GCDH: variants seen among roughly 807,000 people sequenced by gnomAD.
GCDH encodes the protein glutaryl-CoA dehydrogenase.
A neutral mutation model predicts 52.8 loss-of-function variants in GCDH; 31 were observed. The ratio of observed to expected loss-of-function variants is 0.59; its 90% CI spans 0.44 to 0.79. GCDH has a LOEUF of 0.79. Ranked by LOEUF, GCDH falls within the 30% of genes least tolerant of loss-of-function variation. The probability of loss-of-function intolerance (pLI) is 0.00; values close to 1 mark genes in which losing one functional copy is unlikely to be tolerated. For missense variants in GCDH, 509 were observed against 595.0 expected (o/e 0.86, Z 1.50); for synonymous variants, 242 against 250.0 (o/e 0.97, Z 0.30).
At chr19:12,892,851 G>C (rs546195971) in intron 5 of GCDH, among the ~76,000 whole-genome samples, 5 of 151,356 alleles carry the variant, frequency 3.3e-5, no homozygotes, top group Non-Finnish European at 7.4e-5. Flanking sequence ...CTGATTACAG[G>C]TGTGAGCCAC....
In GCDH at chr19:12,893,994, A is replaced by C. The variant is rs966975883; in HGVS notation, c.505+341A>C. On this transcript the variant is annotated intron_variant, in intron 6 of 11. Transcript: ENST00000222214. ...AGTGAGAAGATCCCTTGAGCCCAAG[A>C]GTTCGAAACCAGCCTGGGCAACGTA... is the stretch of plus-strand genomic sequence containing the variant. 3 of 582,502 alleles carry C rather than the reference A, an allele frequency of 5.2e-6. No homozygotes were observed. The African/African-American group carries it at 5.6e-5, about 11-fold the overall frequency. The allele number at this position is 582,502 out of a possible 1,614,324, so 36.1% of individuals were successfully genotyped here.
chr19:12,897,061 G>A (rs1415808539), intron 9 of GCDH, 48 bp downstream of exon 9: 1 of 1,471,434 alleles, frequency 6.8e-7, no homozygotes, highest in East Asian at 2.3e-5. Context: ...GGGCAGCTTG[G>A]GTTTCACTCT....
intron 5 of GCDH, among the ~76,000 whole-genome samples, chr19:12,893,083 C>T (rs776255968): frequency 1.4e-4 from 21 of 151,912 alleles, no homozygotes; most frequent in Non-Finnish European, 2.6e-4. Context: ...AATGGGATTT[C>T]ACCATGTTGG....
intron 5 of GCDH, among the ~76,000 whole-genome samples, chr19:12,893,043 GC>G (rs1365097259): frequency 6.6e-6 from 1 of 151,102 alleles, no homozygotes; most frequent in Non-Finnish European, 1.5e-5. Flanking sequence ...GCACCACCAC[GC>G]CCAGCTAATT....
Position 12,899,997 on chromosome 19 carries a change from T to G in GCDH, c.*456T>G. The G allele has an allele frequency of 6.2e-7, 1 of 1,613,090 alleles. No homozygotes were observed. Among genetic ancestry groups the G allele is most frequent in the South Asian group, 1.1e-5 (1 of 91,036 alleles). ...CCAAGGTGTCAGGCCGGTTTACTGG[T>G]AACCACCTGAGAAGTAGTTTCAGCC... On this transcript the variant is annotated 3_prime_UTR_variant, in exon 12 of 12. Coordinates refer to ENST00000222214, the MANE Select transcript of GCDH (RefSeq NM_000159.4).
chr19:12,891,531 C>G lies in GCDH; in HGVS notation c.127+9C>G. ...GAGCCAACTGGCTAAGTGTAAGGAC[C>G]TCTGGTCGCACCGTGTGTCTGCTGC... On this transcript the variant is annotated intron_variant, in intron 3 of 11. Coordinates refer to ENST00000222214, the MANE Select transcript of GCDH (RefSeq NM_000159.4). 1.2e-6 allele frequency: 2 copies of G among 1,614,212 alleles called. No homozygotes were observed. The highest frequency in any genetic ancestry group is 1.7e-6 in the Non-Finnish European group (2 of 1,180,022).
At chr19:12,894,399 T>C in intron 6 of GCDH, 4 of 754,838 alleles carry the variant, frequency 5.3e-6, no homozygotes, top group Non-Finnish European at 9.9e-6. Context: ...CAAGGAGAAC[T>C]GGAGAAAGAA....
chr19:12,899,855 AC>A lies in GCDH; in HGVS notation c.*319del. 4.4e-6 allele frequency: 7 copies of A among 1,577,264 alleles called. No homozygotes were observed. Among genetic ancestry groups the A allele is most frequent in the Non-Finnish European group, 6.1e-6 (7 of 1,149,560 alleles). ...GAAGCAACTCCGTCTGCTGCAGCTG[AC>A]CCCCTCACACTGAGTTCACAGTGCG... is the stretch of plus-strand genomic sequence containing the variant. On this transcript the variant is annotated 3_prime_UTR_variant, in exon 12 of 12. Transcript: ENST00000222214.
chr19:12,898,212 G>A (rs772835367), intron 11 of GCDH: 12 of 373,688 alleles, frequency 3.2e-5, no homozygotes, highest in South Asian at 1.2e-4. Flanking sequence ...GGGAGTGAGC[G>A]AAGCTACACG....
intron 5 of GCDH, among the ~76,000 whole-genome samples, chr19:12,893,270 C>T (rs1400389894): frequency 6.6e-6 from 1 of 152,158 alleles, no homozygotes; most frequent in Non-Finnish European, 1.5e-5. Context: ...CTGAAAGCCC[C>T]CTTCTTTCCC....
rs564814736 is a variant in GCDH, at chr19:12,897,991, G to A, written c.1243+128G>A. On this transcript the variant is annotated intron_variant, in intron 11 of 11. Coordinates refer to ENST00000222214, the MANE Select transcript of GCDH (RefSeq NM_000159.4). ...TAAGTGACAGTGTGACCTGGGGCGA[G>A]CCTTACCCCTCTGTCCCTCATCTGG... is the stretch of plus-strand genomic sequence containing the variant. The A allele has an allele frequency of 7.5e-6, 6 of 794,780 alleles. No homozygotes were observed. In the Admixed American group the frequency reaches 8.1e-5, roughly 11 times the overall value. The allele number at this position is 794,780 out of a possible 1,614,324, so 49.2% of individuals were successfully genotyped here.
At position 12,892,174 on chromosome 19, in the gene GCDH, C is replaced by T. The variant is rs745618765; in HGVS notation, c.330C>T (p.Ile110=). ...AGTTGGGTGTGCTGGGCCCCACCATCAAAGGTAGGAACAAGTATCTCTCCA... is the reference window on the plus strand; with the variant it reads ...AGTTGGGTGTGCTGGGCCCCACCATTAAAGGTAGGAACAAGTATCTCTCCA... The part of the protein sequence containing the change: ...MGELGVLGPT[I]KGYGCAGVSS... The change falls in exon 5 of 12, where the codon ATC becomes ATT. Residue 110 remains isoleucine, a synonymous_variant. Transcript: ENST00000222214. The T allele has an allele frequency of 2.5e-6, 4 of 1,613,540 alleles. No individual in the cohort carries two copies. The highest frequency in any genetic ancestry group is 3.4e-6 in the Non-Finnish European group (4 of 1,179,456).
chr19:12,895,410 C>T (rs1479034480), intron 6 of GCDH, among the ~76,000 whole-genome samples: 1 of 152,002 alleles, frequency 6.6e-6, no homozygotes, highest in Admixed American at 6.6e-5. Context: ...CAGGTGCTTG[C>T]TACCCGTGCC....
chr19:12,892,019 G>A (rs762461898), intron 4 of GCDH, 45 bp downstream of exon 4: 1 of 1,614,124 alleles, frequency 6.2e-7, no homozygotes, highest in Non-Finnish European at 8.5e-7. Context: ...TCCGCCTGGA[G>A]CCATAGCCAC....
chr19:12,895,883 G>C (rs1970663066), intron 6 of GCDH, 109 bp from the exon 7 acceptor site: 2 of 1,393,298 alleles, frequency 1.4e-6, no homozygotes, highest in African/African-American at 1.4e-5. Context: ...GCCTCCTAAA[G>C]TGCTGGGATG....
At chr19:12,898,238 C>T (rs1568429836) in intron 11 of GCDH, 1 of 313,560 alleles carries the variant, frequency 3.2e-6, no homozygotes, top group Admixed American at 4.5e-5. Context: ...ATCAACGCTC[C>T]ATTTTGTTAA....
chr19:12,894,092 C>A, intron 6 of GCDH: 2 of 871,528 alleles, frequency 2.3e-6, no homozygotes, highest in Non-Finnish European at 1.8e-6. Context: ...TGGACGTTGG[C>A]CCTCTTCCGT....
chr19:12,894,552 G>A, intron 6 of GCDH: 1 of 660,976 alleles, frequency 1.5e-6, no homozygotes. Context: ...ACAGCTAGCA[G>A]AATCCGTAAA....
chr19:12,893,035 A>G (rs898444443), intron 5 of GCDH, among the ~76,000 whole-genome samples: 2 of 150,224 alleles, frequency 1.3e-5, no homozygotes, highest in Non-Finnish European at 3.0e-5. Flanking sequence ...ACAGGGGTGC[A>G]CCACCACGCC....
Sources: gnomAD v4.1 joint callset for allele counts (sites outside exome capture counted in the v4.1 genomes callset) on GRCh38, gnomAD v4.1.1 for gene constraint, MANE v1.5 for transcripts, NCBI Gene and HGNC (gene_info 2026-07-23, HGNC 2026-07-21) for gene names.